ZFHX3: variants seen among roughly 807,000 people sequenced by gnomAD.
ZFHX3 encodes zinc finger homeobox protein 3.
A neutral mutation model predicts 279.1 loss-of-function variants in ZFHX3; 42 were observed. The observed-to-expected ratio is 0.15, with a 90% CI of 0.12 to 0.19. The LOEUF is 0.19. Ranked by LOEUF, ZFHX3 falls within the 10% of genes least tolerant of loss-of-function variation. ZFHX3 has a pLI of 1.00. For missense variants in ZFHX3, 4,981 were observed against 4,754.0 expected (o/e 1.05, Z -1.40); for synonymous variants, 2,293 against 1,957.8 (o/e 1.17, Z -4.52).
chr16:72,925,608 G>C (rs75805805), intron 3 of ZFHX3, among the ~76,000 whole-genome samples: 10 of 152,214 alleles, frequency 6.6e-5, no homozygotes, highest in Non-Finnish European at 5.9e-5. Context: ...ACCCCGTCCC[G>C]TGTCTTTCCC....
intron 3 of ZFHX3, among the ~76,000 whole-genome samples, chr16:72,910,175 T>C (rs558885290): frequency 6.6e-6 from 1 of 152,248 alleles, no homozygotes; most frequent in African/African-American, 2.4e-5. Context: ...AGCTTAACAA[T>C]ACCTGTAACT....
intron 2 of ZFHX3, among the ~76,000 whole-genome samples, chr16:73,602,390 G>C (rs914386498): frequency 3.9e-5 from 6 of 152,128 alleles, no homozygotes; most frequent in African/African-American, 1.4e-4. Context: ...ATGTGAGGTA[G>C]GTGCAAGGAA....
chr16:73,090,743 AC>A (rs1353846311), intron 8 of ZFHX3, among the ~76,000 whole-genome samples: 1 of 151,556 alleles, frequency 6.6e-6, no homozygotes, highest in Non-Finnish European at 1.5e-5. Context: ...AAAAAACAAA[AC>A]AAAAAACATA....
intron 4 of ZFHX3, among the ~76,000 whole-genome samples, chr16:72,854,524 C>A (rs1328781985): frequency 6.6e-6 from 1 of 152,152 alleles, no homozygotes; most frequent in East Asian, 1.9e-4. Context: ...CATTCTGGCT[C>A]TTCACTATTT....
At chr16:73,260,312 A>G (rs189733291) in intron 4 of ZFHX3, among the ~76,000 whole-genome samples, 3 of 152,018 alleles carry the variant, frequency 2.0e-5, no homozygotes, top group Admixed American at 1.3e-4. Context: ...CTAGGTTTCT[A>G]TTGTCCTTTT....
intron 2 of ZFHX3, among the ~76,000 whole-genome samples, chr16:73,668,494 C>G: frequency 6.6e-6 from 1 of 151,986 alleles, no homozygotes; most frequent in East Asian, 1.9e-4. Context: ...TGTGATATTC[C>G]CCTCCCTGTG....
At chr16:73,402,676 A>G (rs552277533) in intron 3 of ZFHX3, among the ~76,000 whole-genome samples, 2 of 152,288 alleles carry the variant, frequency 1.3e-5, no homozygotes, top group South Asian at 2.1e-4. Context: ...TCCTTAACTT[A>G]TAAGAGTTTG....
At chr16:73,375,590 A>G (rs1476856512) in intron 3 of ZFHX3, among the ~76,000 whole-genome samples, 1 of 152,194 alleles carries the variant, frequency 6.6e-6, no homozygotes, top group Non-Finnish European at 1.5e-5. Flanking sequence ...TTAAGATAAA[A>G]TACATTATAA....
chr16:73,648,216 T>C (rs2052638403), intron 2 of ZFHX3, among the ~76,000 whole-genome samples: 1 of 152,228 alleles, frequency 6.6e-6, no homozygotes, highest in Non-Finnish European at 1.5e-5. Flanking sequence ...TGCATTATTT[T>C]AATTATAACG....
At chr16:73,875,641 T>C (rs990135065) in intron 1 of ZFHX3, among the ~76,000 whole-genome samples, 4 of 152,222 alleles carry the variant, frequency 2.6e-5, no homozygotes, top group East Asian at 3.8e-4. Flanking sequence ...TCAAGGGTTA[T>C]ATTTGTTCAT....
intron 3 of ZFHX3, among the ~76,000 whole-genome samples, chr16:73,439,640 G>C (rs16971962): frequency 0.042 from 6,350 of 152,080 alleles, 200 homozygotes; most frequent in East Asian, 0.18. Flanking sequence ...TTTGTTGCCA[G>C]TCAGATTGCC....
chr16:73,773,419 C>T (rs1200616412), intron 1 of ZFHX3, among the ~76,000 whole-genome samples: 1 of 152,226 alleles, frequency 6.6e-6, no homozygotes, highest in African/African-American at 2.4e-5. Context: ...ATGGTCCTCA[C>T]CTTTATGCAT....
At chr16:72,887,631 TGTGTGTGGG>T (rs2038661841) in intron 4 of ZFHX3, among the ~76,000 whole-genome samples, 2 of 136,432 alleles carry the variant, frequency 1.5e-5, no homozygotes, top group African/African-American at 5.7e-5. Flanking sequence ...TGCATGTCAG[TGTGTGTGGG>T]GTGTGTGGGG....
intron 1 of ZFHX3, among the ~76,000 whole-genome samples, chr16:73,880,381 C>CT (rs1212411690): frequency 6.6e-6 from 1 of 151,842 alleles, no homozygotes; most frequent in Non-Finnish European, 1.5e-5. Flanking sequence ...AATGAGAACT[C>CT]TTTTTTTCCC....
At chr16:73,547,486 G>A (rs1043165614) in intron 2 of ZFHX3, among the ~76,000 whole-genome samples, 9 of 151,956 alleles carry the variant, frequency 5.9e-5, no homozygotes, top group East Asian at 1.9e-4. Context: ...GGAAGCCCTC[G>A]TCCCCAAATG....
Position 72,784,077 on chromosome 16 carries a change from C to T in ZFHX3, c.*3087G>A, listed in dbSNP as rs1475722431. The T allele has an allele frequency of 6.6e-6, 1 of 152,528 alleles. No individual in the cohort carries two copies. Among genetic ancestry groups the T allele is most frequent in the East Asian group, 1.9e-4 (1 of 5,182 alleles). The allele number at this position is 152,528 out of a possible 1,614,324, so 9.4% of individuals were successfully genotyped here. On this transcript the variant is annotated 3_prime_UTR_variant, in exon 10 of 10. Coordinates refer to ENST00000268489, the MANE Select transcript of ZFHX3 (RefSeq NM_006885.4). ...AGGAAAGCATTAAGGGTGCAACCCA[C>T]TCCAGGTTGAAACAATCACATAACC...
chr16:73,521,978 C>G (rs1352289542), intron 2 of ZFHX3, among the ~76,000 whole-genome samples: 1 of 152,138 alleles, frequency 6.6e-6, no homozygotes, highest in Non-Finnish European at 1.5e-5. Context: ...CTTCCGTTCC[C>G]TTTTGCCAAA....
intron 4 of ZFHX3, among the ~76,000 whole-genome samples, chr16:73,264,462 A>G (rs1340147677): frequency 6.6e-6 from 1 of 152,162 alleles, no homozygotes; most frequent in African/African-American, 2.4e-5. Context: ...GATTCTAGAA[A>G]TGCCAGGCTC....
At chr16:73,243,370 A>T (rs2013182943) in intron 5 of ZFHX3, among the ~76,000 whole-genome samples, 1 of 152,048 alleles carries the variant, frequency 6.6e-6, no homozygotes, top group Non-Finnish European at 1.5e-5. Context: ...TGTCCCACTC[A>T]CTCTCTATTC....
Sources: gnomAD v4.1 joint callset for allele counts (sites outside exome capture counted in the v4.1 genomes callset) on GRCh38, gnomAD v4.1.1 for gene constraint, MANE v1.5 for transcripts, NCBI Gene and HGNC (gene_info 2026-07-23, HGNC 2026-07-21) for gene names.